The following SORCS2 variants were observed in gnomAD, a reference collection of about 807,000 sequenced individuals.
SORCS2 encodes VPS10 domain-containing receptor SorCS2.
In SORCS2, 100 loss-of-function variants were observed where a neutral mutation model predicts 141.6. That is an observed-to-expected ratio of 0.71 (90% CI 0.60 to 0.83). The LOEUF (loss-of-function observed/expected upper bound fraction) is 0.83. SORCS2 is among the 40% of genes least tolerant of loss of function. The pLI, the probability that SORCS2 is intolerant of heterozygous loss-of-function variation, is 0.00. For missense variants in SORCS2, 1,646 were observed against 1,560.2 expected (o/e 1.05, Z -0.93); for synonymous variants, 789 against 676.9 (o/e 1.17, Z -2.57).
At chr4:7,276,994 A>G (rs957729839) in intron 1 of SORCS2, among the ~76,000 whole-genome samples, 1 of 152,150 alleles carries the variant, frequency 6.6e-6, no homozygotes, top group African/African-American at 2.4e-5. Flanking sequence ...GTGACCCTGT[A>G]GCTGTTTCCT....
intron 2 of SORCS2, among the ~76,000 whole-genome samples, chr4:7,515,777 T>C (rs753289723): frequency 6.6e-6 from 1 of 152,226 alleles, no homozygotes; most frequent in Non-Finnish European, 1.5e-5. Flanking sequence ...GATTTTCACA[T>C]CTGCCCTGCA....
chr4:7,325,014 G>A (rs756300318), intron 1 of SORCS2, among the ~76,000 whole-genome samples: 1 of 152,230 alleles, frequency 6.6e-6, no homozygotes, highest in Non-Finnish European at 1.5e-5. Context: ...GAGGGCAGAA[G>A]GCAGTGGGGA....
chr4:7,676,803 G>T (rs57770821), intron 9 of SORCS2, among the ~76,000 whole-genome samples: 18 of 37,248 alleles, frequency 4.8e-4, no homozygotes, highest in African/African-American at 2.5e-3. Context: ...CTGCCTTTCT[G>T]TCTCTCTCTC....
At chr4:7,489,049 G>C (rs966317689) in intron 2 of SORCS2, among the ~76,000 whole-genome samples, 3 of 152,170 alleles carry the variant, frequency 2.0e-5, no homozygotes, top group African/African-American at 7.2e-5. Context: ...GCATGCTAAG[G>C]CTGGGGATAC....
chr4:7,450,531 C>A (rs2109290844), intron 2 of SORCS2, among the ~76,000 whole-genome samples: 1 of 152,354 alleles, frequency 6.6e-6, no homozygotes, highest in Non-Finnish European at 1.5e-5. Context: ...CCAACCTTGC[C>A]CCGCAGGACT....
At chr4:7,607,341 G>A (rs1718122957) in intron 3 of SORCS2, among the ~76,000 whole-genome samples, 1 of 152,162 alleles carries the variant, frequency 6.6e-6, no homozygotes, top group South Asian at 2.1e-4. Context: ...CTGAAGCCAC[G>A]TGGATCCTCC....
At position 7,737,712 on chromosome 4, in the gene SORCS2, A is replaced by G. The variant is rs965356186; in HGVS notation, c.3415+540A>G. Among the ~76,000 whole-genome samples, 5 of 152,352 alleles carry G rather than the reference A, an allele frequency of 3.3e-5. No homozygotes were observed. The East Asian group carries it at 9.6e-4, about 29-fold the overall frequency. On this transcript the variant is annotated intron_variant, in intron 26 of 26. Coordinates refer to ENST00000507866, the MANE Select transcript of SORCS2 (RefSeq NM_020777.3). ...GAGAAGATCAGTCATCTACAGCTGC[A>G]TGACAAACCGCCCACCTCAGCGGCG...
At chr4:7,497,951 A>G (rs1560333583) in intron 2 of SORCS2, among the ~76,000 whole-genome samples, 1 of 152,350 alleles carries the variant, frequency 6.6e-6, no homozygotes, top group East Asian at 1.9e-4. Flanking sequence ...GAAGAAATGC[A>G]TTTCACTGGA....
intron 1 of SORCS2, among the ~76,000 whole-genome samples, chr4:7,247,423 T>G (rs1713172184): frequency 6.6e-6 from 1 of 152,192 alleles, no homozygotes; most frequent in Non-Finnish European, 1.5e-5. Context: ...CAATGCAATA[T>G]TTGTACCTAA....
intron 2 of SORCS2, among the ~76,000 whole-genome samples, chr4:7,410,087 A>G (rs1725206563): frequency 6.6e-6 from 1 of 152,226 alleles, no homozygotes; most frequent in African/African-American, 2.4e-5. Flanking sequence ...GGACATCCCC[A>G]TGGTGTGACC....
intron 2 of SORCS2, among the ~76,000 whole-genome samples, chr4:7,436,184 T>G (rs1441994328): frequency 6.6e-6 from 1 of 152,204 alleles, no homozygotes. Context: ...TGAGCCTGGG[T>G]GTGCTCAGCT....
intron 1 of SORCS2, among the ~76,000 whole-genome samples, chr4:7,255,716 A>T (rs894591889): frequency 1.3e-5 from 2 of 152,106 alleles, no homozygotes; most frequent in African/African-American, 4.8e-5. Flanking sequence ...CCAATCTTTC[A>T]TCTAACTAGG....
In SORCS2 at chr4:7,233,136, G is replaced by A. The variant is rs1712020913; in HGVS notation, c.480+40010G>A. Among the ~76,000 whole-genome samples, 1 of 152,160 alleles carries A rather than the reference G, an allele frequency of 6.6e-6. No individual in the cohort carries two copies. The highest frequency in any genetic ancestry group is 2.4e-5 in the African/African-American group (1 of 41,442). On this transcript the variant is annotated intron_variant, in intron 1 of 26. Transcript: ENST00000507866. The surrounding 1 kb of genome is among the most constrained non-coding windows in gnomAD (Gnocchi z 4.5). ...GGAGGAGGCTGGGCTGGGCACAGGC[G>A]AGTCCCCAAGGTACCCGAGGGAGGC...
At chr4:7,242,095 C>T (rs746136205) in intron 1 of SORCS2, among the ~76,000 whole-genome samples, 22 of 152,196 alleles carry the variant, frequency 1.4e-4, no homozygotes, top group Non-Finnish European at 3.1e-4. Flanking sequence ...ACCCTGGCTG[C>T]CGCACTGATT....
Position 7,286,584 on chromosome 4 carries a change from G to T in SORCS2, c.480+93458G>T, listed in dbSNP as rs1008901253. Among the ~76,000 whole-genome samples, 2 of 152,172 alleles carry T rather than the reference G, an allele frequency of 1.3e-5. No homozygotes were observed. Among genetic ancestry groups the T allele is most frequent in the African/African-American group, 4.8e-5 (2 of 41,450 alleles). ...ACCAGAAGGGACATGGTCCCATTCGGTCCCAGGCCAGCCCCCCGTATCTTA... is the reference window on the plus strand; with the variant it reads ...ACCAGAAGGGACATGGTCCCATTCGTTCCCAGGCCAGCCCCCCGTATCTTA... On this transcript the variant is annotated intron_variant, in intron 1 of 26. Transcript: ENST00000507866. The surrounding 1 kb of genome is among the most constrained non-coding windows in gnomAD (Gnocchi z 4.1).
intron 1 of SORCS2, among the ~76,000 whole-genome samples, chr4:7,349,638 G>C (rs1178901792): frequency 6.6e-6 from 1 of 152,256 alleles, no homozygotes; most frequent in African/African-American, 2.4e-5. Flanking sequence ...CTTGGACAAA[G>C]TGAGCAGACC....
At chr4:7,493,726 C>T (rs115966609) in intron 2 of SORCS2, among the ~76,000 whole-genome samples, 2,134 of 152,298 alleles carry the variant, frequency 0.014, 56 homozygotes, top group African/African-American at 0.049. Context: ...AGAGAGAACA[C>T]GCGGAGCCAT....
At chr4:7,418,345 C>A (rs1725827082) in intron 2 of SORCS2, among the ~76,000 whole-genome samples, 1 of 152,176 alleles carries the variant, frequency 6.6e-6, no homozygotes, top group Non-Finnish European at 1.5e-5. Flanking sequence ...GGCAGCAATG[C>A]AGGCCCAGGG....
chr4:7,678,554 TG>T (rs1241160820), intron 9 of SORCS2, among the ~76,000 whole-genome samples: 2 of 145,438 alleles, frequency 1.4e-5, no homozygotes, highest in Non-Finnish European at 3.0e-5. Context: ...TTGGCCGGCC[TG>T]GGGCAGGAGT....
Sources: allele counts gnomAD v4.1 joint callset (sites outside exome capture counted in the v4.1 genomes callset), GRCh38; gene constraint gnomAD v4.1.1; non-coding constraint Gnocchi (gnomAD v3.1); transcripts MANE v1.5; gene names NCBI Gene and HGNC (gene_info 2026-07-23, HGNC 2026-07-21).